Variants in PLEKHA5 observed in about 807,000 individuals in gnomAD.
PLEKHA5 encodes pleckstrin homology domain-containing family A member 5.
PLEKHA5 carries 55 observed loss-of-function variants against 181.9 expected under a neutral mutation model. That is an observed-to-expected ratio of 0.30 (90% CI 0.24 to 0.38). The LOEUF (loss-of-function observed/expected upper bound fraction) is 0.38, where lower values mean the gene tolerates loss of function less well. Ranked by LOEUF, PLEKHA5 falls within the 10% of genes least tolerant of loss-of-function variation. PLEKHA5 has a pLI of 1.00. For synonymous variants in PLEKHA5, 535 were observed against 529.4 expected, an observed-to-expected ratio of 1.01 and a Z score of -0.15; for missense variants, 1,432 against 1,549.5, an observed-to-expected ratio of 0.92 and a Z score of 1.27.
chr12:19,223,872 A>G (rs2059334563), intron 3 of PLEKHA5, among the ~76,000 whole-genome samples: 1 of 152,170 alleles, frequency 6.6e-6, no homozygotes. Flanking sequence ...TTTGGCTTCC[A>G]GGATAGCCAG....
chr12:19,363,138 T>C (rs1272314723), intron 29 of PLEKHA5, among the ~76,000 whole-genome samples: 1 of 151,064 alleles, frequency 6.6e-6, no homozygotes, highest in Non-Finnish European at 1.5e-5. Flanking sequence ...TTTTTGTTGT[T>C]GTTTTTTTGT....
intron 3 of PLEKHA5, among the ~76,000 whole-genome samples, chr12:19,247,588 T>C (rs1006316858): frequency 6.6e-6 from 1 of 152,130 alleles, no homozygotes; most frequent in Non-Finnish European, 1.5e-5. Flanking sequence ...CAAATTATTA[T>C]TAAATGAAAT....
At chr12:19,290,105 G>A (rs2078082074) in intron 13 of PLEKHA5, among the ~76,000 whole-genome samples, 1 of 151,890 alleles carries the variant, frequency 6.6e-6, no homozygotes, top group Admixed American at 6.6e-5. Flanking sequence ...ACCATGCCTG[G>A]CTAATTTTTC....
chr12:19,336,940 G>A (rs1189414763), intron 21 of PLEKHA5, among the ~76,000 whole-genome samples: 1 of 146,942 alleles, frequency 6.8e-6, no homozygotes, highest in Non-Finnish European at 1.5e-5. Context: ...TTGAGATGTT[G>A]AATTATATGG....
intron 15 of PLEKHA5, among the ~76,000 whole-genome samples, chr12:19,313,294 A>G (rs567713435): frequency 8.1e-4 from 123 of 152,248 alleles, no homozygotes; most frequent in African/African-American, 2.9e-3. Context: ...AGGATCGCCT[A>G]AGCCTAGGAG....
At chr12:19,285,607 G>A (rs1049899708) in intron 12 of PLEKHA5, among the ~76,000 whole-genome samples, 3 of 152,180 alleles carry the variant, frequency 2.0e-5, no homozygotes, top group African/African-American at 7.2e-5. Context: ...TAGTGCAGAA[G>A]CGATGGTGAG....
At chr12:19,179,575 G>A (rs1017009514) in intron 3 of PLEKHA5, among the ~76,000 whole-genome samples, 7 of 152,128 alleles carry the variant, frequency 4.6e-5, no homozygotes, top group South Asian at 4.1e-4. Context: ...CAGGAGAATC[G>A]CTTGAACCCG....
At position 19,173,011 on chromosome 12, in the gene PLEKHA5, T is replaced by C. The variant is rs1288290011; in HGVS notation, c.227+40561T>C. Among the ~76,000 whole-genome samples the C allele has an allele frequency of 8.5e-4, 56 of 66,256 alleles. 1 individual carries two copies. Among genetic ancestry groups the C allele is most frequent in the African/African-American group, 3.5e-3 (53 of 15,238 alleles). 43.5% of individuals were successfully genotyped at this position (66,256 alleles called of 152,430 possible). A position where few individuals can be genotyped will look rare whatever the true frequency, so the allele number is the denominator to read the frequency against. On this transcript the variant is annotated intron_variant, in intron 3 of 31. Transcript: ENST00000429027. Reference sequence around the variant, plus strand: ...TTGCTACTGATTTCCCTTTCTTTTTTTTTTTTTTTTTTTTTTTTTTTTTGA... The same window carrying C: ...TTGCTACTGATTTCCCTTTCTTTTTCTTTTTTTTTTTTTTTTTTTTTTTGA...
At chr12:19,143,290 T>C (rs551344030) in intron 3 of PLEKHA5, among the ~76,000 whole-genome samples, 2 of 152,370 alleles carry the variant, frequency 1.3e-5, no homozygotes, top group African/African-American at 4.8e-5. Flanking sequence ...AGGCACTTGC[T>C]TGATGGCATT....
At chr12:19,225,190 G>C (rs1565487166) in intron 3 of PLEKHA5, among the ~76,000 whole-genome samples, 2 of 152,090 alleles carry the variant, frequency 1.3e-5, no homozygotes, top group Non-Finnish European at 2.9e-5. Flanking sequence ...TTTCCCAAAG[G>C]TGAGAGTCTC....
intron 27 of PLEKHA5, 125 bp from the exon 28 acceptor site, chr12:19,359,287 A>G: frequency 1.4e-6 from 1 of 737,546 alleles, no homozygotes; most frequent in South Asian, 2.5e-5. Flanking sequence ...GTTAGTTTTC[A>G]TAGGAAAACT....
In PLEKHA5 at chr12:19,307,107, T is replaced by A. The variant is rs923619048; in HGVS notation, c.2038-7707T>A. 3.0e-6 allele frequency: 3 copies of A among 985,868 alleles called. No homozygotes were observed. The African/African-American group carries it at 4.9e-5, about 16-fold the overall frequency. 61.1% of individuals were successfully genotyped at this position (985,868 alleles called of 1,614,324 possible). On this transcript the variant is annotated intron_variant, in intron 15 of 31. Coordinates refer to ENST00000429027, the MANE Select transcript of PLEKHA5 (RefSeq NM_001256470.2). ...AGTTGCTGAAGCTTATGAGCACTGT[T>A]GGTCCCAAGTTGAAGCATGTAGCTG... is the stretch of plus-strand genomic sequence containing the variant.
chr12:19,221,925 C>T (rs955599101), intron 3 of PLEKHA5, among the ~76,000 whole-genome samples: 2 of 151,948 alleles, frequency 1.3e-5, no homozygotes, highest in Non-Finnish European at 2.9e-5. Context: ...CTGGGTGAAA[C>T]CTAAGGGAAT....
intron 10 of PLEKHA5, among the ~76,000 whole-genome samples, chr12:19,273,564 G>C (rs2073683487): frequency 6.6e-6 from 1 of 152,100 alleles, no homozygotes; most frequent in Non-Finnish European, 1.5e-5. Flanking sequence ...AGGCCTCCTA[G>C]AGTGGCATGA....
chr12:19,354,809 G>A (rs1439944135), intron 26 of PLEKHA5, among the ~76,000 whole-genome samples: 6 of 152,226 alleles, frequency 3.9e-5, no homozygotes, highest in South Asian at 2.1e-4. Context: ...GAATTAGCAC[G>A]TCAGAGGACA....
In PLEKHA5 at chr12:19,369,734, G is replaced by C. The variant is rs1457508415; in HGVS notation, c.3796G>C (p.Val1266Leu). Reference protein sequence around the residue: ...SPSPESSASPVPSTQPQLTEG... With the variant: ...SPSPESSASPLPSTQPQLTEG... Reference sequence around the variant, plus strand: ...ATCTCCTGAGTCCTCGGCATCGCCAGTTCCATCCACTCAGCCGCAGCTCAC... The same window carrying C: ...ATCTCCTGAGTCCTCGGCATCGCCACTTCCATCCACTCAGCCGCAGCTCAC... The change falls in exon 31 of 32, where the codon GTT (valine) becomes CTT (leucine). Residue 1266 changes from valine (V) to leucine (L), a missense_variant. Physicochemically the swap from Val to Leu is conservative, Grantham distance 32. This residue lies in a region of PLEKHA5 where 1,143 missense variants were observed against 1,168.4 expected (regional missense o/e 0.98). Coordinates refer to ENST00000429027, the MANE Select transcript of PLEKHA5 (RefSeq NM_001256470.2). 6.2e-7 allele frequency: 1 copy of C among 1,612,850 alleles called. No individual in the cohort carries two copies. The highest frequency in any genetic ancestry group is 2.2e-5 in the East Asian group (1 of 44,830).
rs549190240 is a variant in PLEKHA5, at chr12:19,353,491, G to A, written c.3020-393G>A. ...TTTTTTTATTTTTAGACAGAGTTTC[G>A]TTCTTTGTTGCCCACGCTGGTGCAA... On this transcript the variant is annotated intron_variant, in intron 25 of 31. Coordinates refer to ENST00000429027, the MANE Select transcript of PLEKHA5 (RefSeq NM_001256470.2). 9.5e-5 allele frequency among the ~76,000 whole-genome samples: 14 copies of A among 146,964 alleles called. 1 individual carries two copies. The highest frequency in any genetic ancestry group is 8.2e-4 in the East Asian group (4 of 4,852).
intron 3 of PLEKHA5, among the ~76,000 whole-genome samples, chr12:19,240,137 C>A (rs564580796): frequency 6.6e-6 from 1 of 152,094 alleles, no homozygotes; most frequent in Non-Finnish European, 1.5e-5. Flanking sequence ...GAATACTGCA[C>A]GATACGGAAT....
chr12:19,314,744 A>G, intron 15 of PLEKHA5, 70 bp from the exon 16 acceptor site: 1 of 789,842 alleles, frequency 1.3e-6, no homozygotes, highest in Non-Finnish European at 2.2e-6. Context: ...CTATATTTAC[A>G]GTGTCGTCTT....
Sources: allele counts gnomAD v4.1 joint callset (sites outside exome capture counted in the v4.1 genomes callset), GRCh38; gene constraint gnomAD v4.1.1; regional missense constraint gnomAD v4.1.1; transcripts MANE v1.5; gene names NCBI Gene and HGNC (gene_info 2026-07-23, HGNC 2026-07-21).